NSD3: variants seen among roughly 807,000 people sequenced by gnomAD.
NSD3 encodes the protein nuclear receptor binding SET domain protein 3, also known as histone-lysine N-methyltransferase NSD3.
A neutral mutation model predicts 160.8 loss-of-function variants in NSD3; 24 were observed. The ratio of observed to expected loss-of-function variants is 0.15; its 90% CI spans 0.11 to 0.21. NSD3 has a LOEUF of 0.21. Ranked by LOEUF, NSD3 falls within the 10% of genes least tolerant of loss-of-function variation. The pLI is 1.00. For missense variants in NSD3, 1,157 were observed against 1,735.9 expected, an observed-to-expected ratio of 0.67 and a Z score of 5.93; for synonymous variants, 520 against 600.0, an observed-to-expected ratio of 0.87 and a Z score of 1.95.
chr8:38,328,148 G>A (rs1809961602), intron 6 of NSD3, among the ~76,000 whole-genome samples: 1 of 151,982 alleles, frequency 6.6e-6, no homozygotes, highest in Non-Finnish European at 1.5e-5. Context: ...ATTGACCACT[G>A]CACTCCAGCC....
intron 12 of NSD3, among the ~76,000 whole-genome samples, chr8:38,306,843 G>A (rs544219805): frequency 3.1e-4 from 47 of 152,206 alleles, no homozygotes; most frequent in African/African-American, 1.0e-3. Context: ...GGCCAGGCGC[G>A]GTGGCTCATG....
intron 5 of NSD3, among the ~76,000 whole-genome samples, chr8:38,330,520 G>A (rs989060464): frequency 6.6e-6 from 1 of 152,166 alleles, no homozygotes; most frequent in Non-Finnish European, 1.5e-5. Context: ...ATTGGCAAGA[G>A]GGGTAAAAAT....
At chr8:38,358,521 T>C (rs772745484) in intron 1 of NSD3, among the ~76,000 whole-genome samples, 2 of 152,150 alleles carry the variant, frequency 1.3e-5, no homozygotes, top group African/African-American at 2.4e-5. Flanking sequence ...CCTAGCATGT[T>C]TGGCAATTTA....
chr8:38,345,782 C>T (rs993230090), intron 2 of NSD3, among the ~76,000 whole-genome samples: 1 of 150,816 alleles, frequency 6.6e-6, no homozygotes, highest in South Asian at 2.1e-4. Context: ...TGGTGGTATG[C>T]CTGTAGTCCC....
At position 38,305,229 on chromosome 8, in the gene NSD3, C is replaced by G; in HGVS notation, c.2440+19G>C. 6.2e-7 allele frequency: 1 copy of G among 1,609,760 alleles called. No homozygotes were observed. Among genetic ancestry groups the G allele is most frequent in the Non-Finnish European group, 8.5e-7 (1 of 1,177,898 alleles). On this transcript the variant is annotated intron_variant, in intron 13 of 23. Transcript: ENST00000317025. ...GCCCTTAAAACAAAAATCTTTGTCTCCTTCTTCAGCTGTTTTACCTTTACT... is the reference window on the plus strand; with the variant it reads ...GCCCTTAAAACAAAAATCTTTGTCTGCTTCTTCAGCTGTTTTACCTTTACT...
chr8:38,313,792 A>T (rs1362450838), intron 12 of NSD3, among the ~76,000 whole-genome samples: 1 of 151,818 alleles, frequency 6.6e-6, no homozygotes, highest in Non-Finnish European at 1.5e-5. Context: ...TGTCTCAAAA[A>T]AAAAAAAAAA....
At chr8:38,282,589 G>A (rs544256103) in intron 19 of NSD3, among the ~76,000 whole-genome samples, 105 of 152,180 alleles carry the variant, frequency 6.9e-4, no homozygotes, top group African/African-American at 2.4e-3. Flanking sequence ...GAGAATCGCC[G>A]AAACCCAGGA....
chr8:38,287,954 T>C (rs924405165), intron 19 of NSD3, among the ~76,000 whole-genome samples: 1 of 152,066 alleles, frequency 6.6e-6, no homozygotes, highest in Non-Finnish European at 1.5e-5. Flanking sequence ...TAATTTTAGG[T>C]TGGACACAGT....
Position 38,316,732 on chromosome 8 carries a change from T to C in NSD3, c.1856-690A>G, listed in dbSNP as rs1390170268. Reference sequence around the variant, plus strand: ...CAAGTGCAGCCAAATCACGTAGAGCTGGATGGGAAGGCCTCTATGTGGAAT... The same window carrying C: ...CAAGTGCAGCCAAATCACGTAGAGCCGGATGGGAAGGCCTCTATGTGGAAT... On this transcript the variant is annotated intron_variant, in intron 9 of 23. Coordinates refer to ENST00000317025, the MANE Select transcript of NSD3 (RefSeq NM_023034.2). This position sits in a 1 kb window ranked among gnomAD's most constrained non-coding sequence, Gnocchi z 4.5. The C allele has an allele frequency of 3.8e-6, 4 of 1,057,302 alleles. No homozygotes were observed. The African/African-American group carries it at 6.6e-5, about 17-fold the overall frequency. 65.5% of individuals were successfully genotyped at this position (1,057,302 alleles called of 1,614,324 possible). A position where few individuals can be genotyped will look rare whatever the true frequency, so the allele number is the denominator to read the frequency against.
intron 22 of NSD3, among the ~76,000 whole-genome samples, chr8:38,278,095 T>G (rs369819300): frequency 6.6e-6 from 1 of 152,026 alleles, no homozygotes; most frequent in Non-Finnish European, 1.5e-5. Context: ...CCCATCACCA[T>G]GCCCAGCTAA....
Position 38,318,049 on chromosome 8 carries a change from G to C in NSD3, c.1855+846C>G. On this transcript the variant is annotated intron_variant, in intron 9 of 23. Coordinates refer to ENST00000317025, the MANE Select transcript of NSD3 (RefSeq NM_023034.2). The surrounding 1 kb of genome is among the most constrained non-coding windows in gnomAD (Gnocchi z 5.3). The stretch of plus-strand genomic sequence containing the variant: ...CCCGGTCCGCCGACCCTGTGGAATG[G>C]TGGAAACACAACGCAATCAGGCCTC... The C allele has an allele frequency of 6.2e-7, 1 of 1,614,044 alleles. No individual in the cohort carries two copies. Among genetic ancestry groups the C allele is most frequent in the African/African-American group, 1.3e-5 (1 of 75,018 alleles).
Position 38,374,365 on chromosome 8 carries a change from A to G in NSD3, c.-45+7434T>C, listed in dbSNP as rs569582612. 2.0e-5 allele frequency among the ~76,000 whole-genome samples: 3 copies of G among 152,314 alleles called. No individual in the cohort carries two copies. In the South Asian group the frequency reaches 6.2e-4, roughly 32 times the overall value. ...AATAAGAAAAAGCACACCTATGTAG[A>G]AAAATACTTGTTACTTAATATTTAA... On this transcript the variant is annotated intron_variant, in intron 1 of 23. Transcript: ENST00000317025.
At chr8:38,346,339 G>A (rs1053119643) in intron 2 of NSD3, among the ~76,000 whole-genome samples, 8 of 146,636 alleles carry the variant, frequency 5.5e-5, no homozygotes, top group Non-Finnish European at 1.0e-4. Flanking sequence ...ATATACACAT[G>A]TATATAGTAT....
At chr8:38,313,435 A>T (rs1012346097) in intron 12 of NSD3, among the ~76,000 whole-genome samples, 1 of 152,172 alleles carries the variant, frequency 6.6e-6, no homozygotes. Context: ...AATGGAAATC[A>T]TAATAGTACC....
chr8:38,347,282 T>C (rs776834287), intron 2 of NSD3, among the ~76,000 whole-genome samples: 2 of 152,178 alleles, frequency 1.3e-5, no homozygotes, highest in African/African-American at 2.4e-5. Context: ...GAAAGATTCG[T>C]TTTACATGTT....
At position 38,304,825 on chromosome 8, in the gene NSD3, G is replaced by T. The variant is rs1477489965; in HGVS notation, c.2441-68C>A. ...CGGGACATAAAAATAAGTTTCTGGA[G>T]TTGGGCTTTTTTGGGTCCCTCTGAG... On this transcript the variant is annotated intron_variant, in intron 13 of 23. Transcript: ENST00000317025. 4.7e-6 allele frequency: 7 copies of T among 1,497,922 alleles called. No homozygotes were observed. The East Asian group carries it at 1.4e-4, about 30-fold the overall frequency. 92.8% of individuals were successfully genotyped at this position (1,497,922 alleles called of 1,614,324 possible).
At chr8:38,330,411 T>G (rs1810029237) in intron 5 of NSD3, among the ~76,000 whole-genome samples, 1 of 152,036 alleles carries the variant, frequency 6.6e-6, no homozygotes, top group African/African-American at 2.4e-5. Context: ...AAATGAAAAT[T>G]AACAAGACAA....
In NSD3 at chr8:38,270,820, C is replaced by T. The variant is rs1245609894; in HGVS notation, c.*4821G>A. ...ACTTACATGTAAATTACTTTTACAG[C>T]CTACTGAAGGACAGGCAATTCTCAT... On this transcript the variant is annotated 3_prime_UTR_variant, in exon 24 of 24. Transcript: ENST00000317025. 6.6e-6 allele frequency: 1 copy of T among 152,204 alleles called. No homozygotes were observed. The highest frequency in any genetic ancestry group is 1.9e-4 in the East Asian group (1 of 5,186). The allele number at this position is 152,204 out of a possible 1,614,324, so 9.4% of individuals were successfully genotyped here. A position where few individuals can be genotyped will look rare whatever the true frequency, so the allele number is the denominator to read the frequency against.
At chr8:38,278,541 T>C in intron 21 of NSD3, 129 bp from the exon 22 acceptor site, 1 of 690,556 alleles carries the variant, frequency 1.4e-6, no homozygotes, top group Non-Finnish European at 2.3e-6. Flanking sequence ...GCCAGTGTTC[T>C]ACCTCATTGA....
Sources: allele counts gnomAD v4.1 joint callset (sites outside exome capture counted in the v4.1 genomes callset), GRCh38; gene constraint gnomAD v4.1.1; non-coding constraint Gnocchi (gnomAD v3.1); transcripts MANE v1.5; gene names NCBI Gene and HGNC (gene_info 2026-07-23, HGNC 2026-07-21).